Variants in EIF4A2 observed in about 807,000 individuals in gnomAD.
EIF4A2 encodes eukaryotic initiation factor 4A-II.
A neutral mutation model predicts 50.6 loss-of-function variants in EIF4A2; 9 were observed. That is an observed-to-expected ratio of 0.18 (90% CI 0.11 to 0.31). The LOEUF is 0.31. Among genes scored for constraint, EIF4A2 ranks in the 10% least tolerant of loss-of-function variants. The probability of loss-of-function intolerance (pLI) is 1.00; values close to 1 mark genes in which losing one functional copy is unlikely to be tolerated. For synonymous variants in EIF4A2, 215 were observed against 164.4 expected, an observed-to-expected ratio of 1.31 and a Z score of -2.35; for missense variants, 182 against 501.8, an observed-to-expected ratio of 0.36 and a Z score of 6.09.
chr3:186,789,835 T>G lies in EIF4A2; in HGVS notation c.*566T>G. ...AGGTAGGGTTTAATCCCCAGTAAAA[T>G]TGCCATATTGCACATGTCTTAATGA... On this transcript the variant is annotated 3_prime_UTR_variant, in exon 11 of 11. Transcript: ENST00000323963. The G allele has an allele frequency of 1.5e-6, 1 of 658,640 alleles. No homozygotes were observed. Among genetic ancestry groups the G allele is most frequent in the South Asian group, 1.9e-5 (1 of 51,488 alleles). 40.8% of individuals were successfully genotyped at this position (658,640 alleles called of 1,614,324 possible). A position where few individuals can be genotyped will look rare whatever the true frequency, so the allele number is the denominator to read the frequency against.
chr3:186,785,638 T>C, intron 4 of EIF4A2: 1 of 471,522 alleles, frequency 2.1e-6, no homozygotes. Flanking sequence ...TAGGAAACGT[T>C]ATTCTTGGAT....
Position 186,789,370 on chromosome 3 carries a change from CAA to C in EIF4A2, c.*102_*103del. 1 of 1,474,408 alleles carries C rather than the reference CAA, an allele frequency of 6.8e-7. No homozygotes were observed. The highest frequency in any genetic ancestry group is 9.1e-7 in the Non-Finnish European group (1 of 1,098,046). 91.3% of individuals were successfully genotyped at this position (1,474,408 alleles called of 1,614,324 possible). A position where few individuals can be genotyped will look rare whatever the true frequency, so the allele number is the denominator to read the frequency against. ...CTTTGGGAATATTTGAATCTTGTCT[CAA>C]TGCTCATAACGGATCAGAAATACAG... On this transcript the variant is annotated 3_prime_UTR_variant, in exon 11 of 11. Coordinates refer to ENST00000323963, the MANE Select transcript of EIF4A2 (RefSeq NM_001967.4).
At position 186,784,885 on chromosome 3, in the gene EIF4A2, C is replaced by A. The variant is rs1170719680; in HGVS notation, c.209-77C>A. ...CACTTGATTATTTGGGCATAATGTTCCAAATGGAATACATGGTGTGAAGTA... is the reference window on the plus strand; with the variant it reads ...CACTTGATTATTTGGGCATAATGTTACAAATGGAATACATGGTGTGAAGTA... On this transcript the variant is annotated intron_variant, in intron 3 of 10. Coordinates refer to ENST00000323963, the MANE Select transcript of EIF4A2 (RefSeq NM_001967.4). 2.5e-6 allele frequency: 4 copies of A among 1,611,544 alleles called. No individual in the cohort carries two copies. In the Admixed American group the frequency reaches 5.0e-5, roughly 20 times the overall value.
Position 186,789,131 on chromosome 3 carries a change from C to T in EIF4A2, c.1086C>T (p.Gly362=), listed in dbSNP as rs1253450588. The T allele has an allele frequency of 6.2e-7, 1 of 1,613,004 alleles. No homozygotes were observed. The highest frequency in any genetic ancestry group is 1.7e-5 in the Admixed American group (1 of 59,874). The change falls in exon 11 of 11, where the codon GGC becomes GGT. Residue 362 remains glycine (G), a synonymous_variant. Transcript: ENST00000323963. ...TNRENYIHRI[G]RGGRFGRKGV... The stretch of plus-strand genomic sequence containing the variant: ...GATTCTTTTTCTTACACAGAATTGG[C>T]AGAGGGGGTCGATTTGGGAGGAAAG...
chr3:186,789,133 GA>G lies in EIF4A2; in HGVS notation c.1089del (p.Gly365ValfsTer10). 1 of 1,613,538 alleles carries G rather than the reference GA, an allele frequency of 6.2e-7. No individual in the cohort carries two copies. Among genetic ancestry groups the G allele is most frequent in the Non-Finnish European group, 8.5e-7 (1 of 1,179,674 alleles). ...TTCTTTTTCTTACACAGAATTGGCA[GA>G]GGGGGTCGATTTGGGAGGAAAGGTG... ...NRENYIHRIG[R>X]GGRFGRKGVA... On this transcript the variant is annotated frameshift_variant, in exon 11 of 11. Transcript: ENST00000323963. LOFTEE classifies it high-confidence loss of function.
At position 186,786,239 on chromosome 3, in the gene EIF4A2, A is replaced by G; in HGVS notation, c.593A>G (p.Tyr198Cys). 2 of 1,613,874 alleles carry G rather than the reference A, an allele frequency of 1.2e-6. No homozygotes were observed. Among genetic ancestry groups the G allele is most frequent in the Non-Finnish European group, 1.7e-6 (2 of 1,179,916 alleles). The change falls in exon 6 of 11, where the codon TAT (tyrosine) becomes TGT (cysteine). Residue 198 changes from tyrosine (Y) to cysteine (C), a missense_variant. This residue lies in a region of EIF4A2 where 113 missense variants were observed against 357.3 expected (regional missense o/e 0.32). Transcript: ENST00000323963. ...AGCCGTGGTTTTAAGGATCAAATCTATGAGATTTTCCAAAAACTAAACACA... is the reference window on the plus strand; with the variant it reads ...AGCCGTGGTTTTAAGGATCAAATCTGTGAGATTTTCCAAAAACTAAACACA... The part of the protein sequence containing the change: ...MLSRGFKDQI[Y>C]EIFQKLNTSI...
chr3:186,786,675 A>C, intron 7 of EIF4A2, 30 bp downstream of exon 7: 1 of 1,612,550 alleles, frequency 6.2e-7, no homozygotes, highest in Non-Finnish European at 8.5e-7. Context: ...ACATTATTTT[A>C]CCTTCTTGTA....
chr3:186,785,856 GAAT>G (rs751604804), intron 4 of EIF4A2, 24 bp from the exon 5 acceptor site: 3 of 1,578,856 alleles, frequency 1.9e-6, no homozygotes, highest in African/African-American at 1.4e-5. Flanking sequence ...GAGTTCTGCG[GAAT>G]AATAATTAAG....
At chr3:186,784,863 T>C (rs774164716) in intron 3 of EIF4A2, 99 bp from the exon 4 acceptor site, 15 of 1,605,580 alleles carry the variant, frequency 9.3e-6, no homozygotes, top group Non-Finnish European at 1.3e-5. Flanking sequence ...TGCTGATCAC[T>C]TGATTATTTG....
chr3:186,787,963 T>G, intron 10 of EIF4A2, 81 bp downstream of exon 10: 1 of 1,425,598 alleles, frequency 7.0e-7, no homozygotes, highest in Admixed American at 1.8e-5. Context: ...TAACATCAAA[T>G]CAAGGAATAG....
chr3:186,785,492 A>T (rs956583684), intron 4 of EIF4A2: 10 of 296,732 alleles, frequency 3.4e-5, no homozygotes, highest in African/African-American at 1.9e-4. Flanking sequence ...AACCTTCCTA[A>T]TAAAGCTGTA....
At position 186,783,584 on chromosome 3, in the gene EIF4A2, G is replaced by A. The variant is rs753712985; in HGVS notation, c.-27G>A. The A allele has an allele frequency of 1.1e-5, 17 of 1,614,094 alleles. No individual in the cohort carries two copies. Among genetic ancestry groups the A allele is most frequent in the African/African-American group, 2.7e-5 (2 of 74,932 alleles). ...GTGGTTGGGCGCCGCTGTCTTTTCAGTCGGGCGCTGAGTGGTTTTTCGGAT... is the reference window on the plus strand; with the variant it reads ...GTGGTTGGGCGCCGCTGTCTTTTCAATCGGGCGCTGAGTGGTTTTTCGGAT... On this transcript the variant is annotated 5_prime_UTR_variant, in exon 1 of 11. Transcript: ENST00000323963.
At chr3:186,788,702 C>T (rs1469635472) in intron 10 of EIF4A2, 3 of 230,508 alleles carry the variant, frequency 1.3e-5, no homozygotes, top group Non-Finnish European at 2.6e-5. Flanking sequence ...AAATAGTTAA[C>T]CTTTGCAGCA....
At chr3:186,788,399 T>C in intron 10 of EIF4A2, 3 of 1,281,540 alleles carry the variant, frequency 2.3e-6, no homozygotes, top group Non-Finnish European at 3.0e-6. Flanking sequence ...AACAGCACAC[T>C]GTTTGAATAA....
chr3:186,788,592 A>AT, intron 10 of EIF4A2: 1 of 376,178 alleles, frequency 2.7e-6, no homozygotes, highest in Non-Finnish European at 4.3e-6. Context: ...GTTTAGAGTA[A>AT]TTTGAGTTAC....
At chr3:186,787,079 A>G (rs1721773045) in intron 7 of EIF4A2, 48 bp from the exon 8 acceptor site, 7 of 1,609,050 alleles carry the variant, frequency 4.4e-6, no homozygotes, top group Non-Finnish European at 5.9e-6. Context: ...TTAACTGAAG[A>G]GTTGGAAAAA....
rs375119803 is a variant in EIF4A2, at chr3:186,789,116, C to G, written c.1080-9C>G. 1.4e-4 allele frequency: 220 copies of G among 1,610,330 alleles called. No individual in the cohort carries two copies. The highest frequency in any genetic ancestry group is 1.8e-4 in the Non-Finnish European group (214 of 1,178,578). ...GAGAAGTAACGTTCTGATTCTTTTT[C>G]TTACACAGAATTGGCAGAGGGGGTC... On this transcript the variant is annotated splice_polypyrimidine_tract_variant and intron_variant, in intron 10 of 10. Transcript: ENST00000323963.
At chr3:186,783,914 C>G (rs1209360516) in intron 1 of EIF4A2, 4 of 522,706 alleles carry the variant, frequency 7.7e-6, no homozygotes, top group Non-Finnish European at 1.4e-5. Context: ...GCACGGGAAA[C>G]ATGGAGTAAA....
intron 10 of EIF4A2, 98 bp downstream of exon 10, chr3:186,787,980 TA>T: frequency 3.9e-6 from 5 of 1,275,586 alleles, no homozygotes; most frequent in Non-Finnish European, 5.6e-6. Flanking sequence ...ATAGATTCAG[TA>T]AAGTCAGTAG....
Sources: allele counts gnomAD v4.1 joint callset, GRCh38; gene constraint gnomAD v4.1.1; regional missense constraint gnomAD v4.1.1; transcripts MANE v1.5; gene names NCBI Gene and HGNC (gene_info 2026-07-23, HGNC 2026-07-21).